The following SLC66A1 variants were observed in gnomAD, a reference collection of about 807,000 sequenced individuals.
The protein encoded by SLC66A1 is solute carrier family 66 member 1, also known as lysosomal amino acid transporter 1 homolog.
In SLC66A1, 23 loss-of-function variants were observed where a neutral mutation model predicts 33.0. The ratio of observed to expected loss-of-function variants is 0.70; its 90% CI spans 0.50 to 0.99. SLC66A1 has a LOEUF of 0.99. Ranked by LOEUF, SLC66A1 falls within the 50% of genes least tolerant of loss-of-function variation. The pLI is 0.00. For synonymous variants in SLC66A1, 164 were observed against 175.5 expected (o/e 0.93, Z 0.52); for missense variants, 335 against 383.6 (o/e 0.87, Z 1.06).
At chr1:19,318,635 G>T (rs1332363326) in intron 2 of SLC66A1, among the ~76,000 whole-genome samples, 1 of 151,978 alleles carries the variant, frequency 6.6e-6, no homozygotes, top group Non-Finnish European at 1.5e-5. Flanking sequence ...CTGCAGAGGC[G>T]GAAGAAGATT....
At chr1:19,327,732 C>A in intron 7 of SLC66A1, 1 of 515,444 alleles carries the variant, frequency 1.9e-6, no homozygotes. Context: ...CCAAGTGCTG[C>A]AGAGAAAAAC....
At chr1:19,326,928 T>G in intron 6 of SLC66A1, among the ~76,000 whole-genome samples, 1 of 149,068 alleles carries the variant, frequency 6.7e-6, no homozygotes. Context: ...AGCTGGGGAG[T>G]CGGGGAGGGG....
intron 1 of SLC66A1, chr1:19,313,314 C>T: frequency 1.1e-6 from 1 of 884,546 alleles, no homozygotes. Context: ...CTCTCTTCCA[C>T]CCTTTCTCCT....
chr1:19,315,574 C>T (rs2093800571), intron 1 of SLC66A1, among the ~76,000 whole-genome samples: 1 of 152,216 alleles, frequency 6.6e-6, no homozygotes, highest in Non-Finnish European at 1.5e-5. Flanking sequence ...CTGGGGAGCC[C>T]AGGCCTCCTG....
chr1:19,315,989 C>T (rs935881207), intron 1 of SLC66A1, among the ~76,000 whole-genome samples: 2 of 152,188 alleles, frequency 1.3e-5, no homozygotes, highest in African/African-American at 2.4e-5. Context: ...ATGCTTGGCT[C>T]ACCGGTCCGA....
In SLC66A1 at chr1:19,317,705, A is replaced by C; in HGVS notation, c.28A>C (p.Asn10His). 2 of 1,614,140 alleles carry C rather than the reference A, an allele frequency of 1.2e-6. No individual in the cohort carries two copies. The highest frequency in any genetic ancestry group is 1.7e-6 in the Non-Finnish European group (2 of 1,179,986). MVWKKLGSRNFSSCPSGSIQ... is the reference protein window; with the variant it reads MVWKKLGSRHFSSCPSGSIQ... ...GGTCTGGAAGAAACTGGGCTCCCGC[A>C]ACTTCTCCAGCTGCCCCAGTGGCTC... The change falls in exon 2 of 8, where the codon AAC becomes CAC. Residue 10 changes from asparagine (N) to histidine (H), a missense_variant. Asn to His is a moderately conservative substitution (Grantham distance 68). Transcript: ENST00000375153.
intron 1 of SLC66A1, among the ~76,000 whole-genome samples, chr1:19,315,571 G>T (rs1235671774): frequency 1.3e-5 from 2 of 152,202 alleles, no homozygotes; most frequent in Admixed American, 1.3e-4. Context: ...TAGCTGGGGA[G>T]CCCAGGCCTC....
intron 1 of SLC66A1, among the ~76,000 whole-genome samples, chr1:19,314,484 G>C (rs2093795033): frequency 6.6e-6 from 1 of 152,214 alleles, no homozygotes; most frequent in African/African-American, 2.4e-5. Flanking sequence ...CCCTAACCTG[G>C]GGAAAGGGGG....
chr1:19,321,567 A>ATTTTTTTT (rs35415316), intron 2 of SLC66A1, among the ~76,000 whole-genome samples: 1 of 132,448 alleles, frequency 7.6e-6, no homozygotes, highest in Non-Finnish European at 1.6e-5. Context: ...GTCCAACCTC[A>ATTTTTTTT]TTTTTTTTTT....
At chr1:19,318,409 G>A (rs376145975) in intron 2 of SLC66A1, among the ~76,000 whole-genome samples, 22 of 152,310 alleles carry the variant, frequency 1.4e-4, no homozygotes, top group Admixed American at 9.2e-4. Flanking sequence ...TGACCTGGGC[G>A]TGTCACCTCA....
At chr1:19,325,997 A>G (rs2093863918) in intron 4 of SLC66A1, among the ~76,000 whole-genome samples, 1 of 152,206 alleles carries the variant, frequency 6.6e-6, no homozygotes. Context: ...AAGTTGTCTC[A>G]TCAGCGTTCC....
chr1:19,317,017 TC>T (rs1364107373), intron 1 of SLC66A1, among the ~76,000 whole-genome samples: 1 of 147,048 alleles, frequency 6.8e-6, no homozygotes, highest in Non-Finnish European at 1.5e-5. Context: ...CGCCTTGGCC[TC>T]CCAAATTGTG....
intron 7 of SLC66A1, 25 bp downstream of exon 7, chr1:19,327,437 G>T (rs774141884): frequency 1.9e-6 from 3 of 1,570,516 alleles, no homozygotes; most frequent in Non-Finnish European, 2.6e-6. Context: ...GTGTGGGGCA[G>T]GTGGCGGGGT....
downstream of SLC66A1, among the ~76,000 whole-genome samples, chr1:19,331,121 C>T (rs1048819995): frequency 1.3e-5 from 2 of 152,194 alleles, no homozygotes; most frequent in East Asian, 1.9e-4. Flanking sequence ...GAGCGATTCT[C>T]CTGCCTCAAC....
chr1:19,325,756 T>C (rs535244124), intron 4 of SLC66A1, among the ~76,000 whole-genome samples, 174 bp downstream of exon 4: 157 of 152,240 alleles, frequency 1.0e-3, no homozygotes, highest in Admixed American at 2.0e-3. Context: ...CTGGCCAAGA[T>C]AGAGGCTTGA....
Position 19,324,687 on chromosome 1 carries a change from G to A in SLC66A1, c.219G>A (p.Trp73Ter). 6.2e-7 allele frequency: 1 copy of A among 1,614,238 alleles called. No individual in the cohort carries two copies. The highest frequency in any genetic ancestry group is 1.1e-5 in the South Asian group (1 of 91,092). The change falls in exon 3 of 8, where the codon TGG (tryptophan) becomes TGA (stop). Residue 73 changes from tryptophan to a stop codon, truncating the protein, a stop_gained. Coordinates refer to ENST00000375153, the MANE Select transcript of SLC66A1 (RefSeq NM_001040125.2). LOFTEE classifies it high-confidence loss of function. ...TGNMDQALSL[W>*]FLLGWIGGDS... ...ACATGGACCAGGCGCTGTCCCTGTG[G>A]TTCCTCCTGGGCTGGATTGGCGGAG...
intron 4 of SLC66A1, among the ~76,000 whole-genome samples, chr1:19,325,814 C>G (rs776200732): frequency 3.3e-5 from 5 of 152,200 alleles, no homozygotes; most frequent in Non-Finnish European, 7.3e-5. Flanking sequence ...TTCCTCTCGC[C>G]CAGGGGCTCA....
chr1:19,318,710 G>A (rs1014641989), intron 2 of SLC66A1, among the ~76,000 whole-genome samples: 1 of 152,042 alleles, frequency 6.6e-6, no homozygotes, highest in African/African-American at 2.4e-5. Flanking sequence ...CACTTTGGGA[G>A]GCCGAGGCAG....
At chr1:19,332,289 C>A (rs900605555), downstream of SLC66A1, among the ~76,000 whole-genome samples, 4 of 152,188 alleles carry the variant, frequency 2.6e-5, no homozygotes, top group African/African-American at 9.7e-5. Flanking sequence ...TGTCCGAAGC[C>A]GTTTCTTCAT....
Sources: gnomAD v4.1 joint callset for allele counts (sites outside exome capture counted in the v4.1 genomes callset) on GRCh38, gnomAD v4.1.1 for gene constraint, MANE v1.5 for transcripts, NCBI Gene and HGNC (gene_info 2026-07-23, HGNC 2026-07-21) for gene names.